INSRR: variants seen among roughly 807,000 people sequenced by gnomAD.
INSRR encodes the protein insulin receptor related receptor, also known as insulin receptor-related protein.
Under a neutral mutation model 130.0 loss-of-function variants are expected in INSRR, and 114 were observed. The ratio of observed to expected loss-of-function variants is 0.88; its 90% confidence interval spans 0.75 to 1.02. The LOEUF (loss-of-function observed/expected upper bound fraction) is 1.02, where lower values mean the gene tolerates loss of function less well. INSRR is among the 50% of genes least tolerant of loss of function. The pLI is 0.00. For missense variants in INSRR, 1,657 were observed against 1,735.2 expected (o/e 0.95, Z 0.80); for synonymous variants, 674 against 705.2 (o/e 0.96, Z 0.70).
rs753317899 is a variant in INSRR, at chr1:156,840,961, C to T, written c.3806G>A (p.Arg1269Gln). ...TGCATCGGTGGTAGGCAGGGAGCCC[C>T]GGGCCCCCCGGCATTCCGGGCTGTA... ...FYYSPECRGARGSLPTTDAEP... is the reference protein window; with the variant it reads ...FYYSPECRGAQGSLPTTDAEP... The change falls in exon 22 of 22, where the codon CGG becomes CAG. Residue 1269 changes from arginine (R) to glutamine (Q), a missense_variant. Transcript: ENST00000368195. 10 of 1,613,716 alleles carry T rather than the reference C, an allele frequency of 6.2e-6. No individual in the cohort carries two copies. Among genetic ancestry groups the T allele is most frequent in the East Asian group, 4.5e-5 (2 of 44,874 alleles).
intron 14 of INSRR, 29 bp from the exon 15 acceptor site, chr1:156,844,309 A>G: frequency 1.3e-6 from 2 of 1,590,440 alleles, no homozygotes; most frequent in Non-Finnish European, 1.7e-6. Flanking sequence ...CAGAGGGTAG[A>G]GTCAAAGATG....
Position 156,858,582 on chromosome 1 carries a change from G to A in INSRR, c.40C>T (p.Pro14Ser), listed in dbSNP as rs1437646491. Residue 14 changes from proline to serine, a missense_variant, in exon 1 of 22, where the codon CCT becomes TCT. By Grantham distance (74) the Pro-to-Ser change is moderately conservative. Transcript: ENST00000368195. The part of the protein sequence containing the change: ...PSLWPWGACL[P>S]VIFLSLGFGL... ...AATCCCAAGGAGAGGAAGATCACAG[G>A]CAGGCATGCTCCCCAGGGCCACAGA... 5.0e-6 allele frequency: 8 copies of A among 1,613,952 alleles called. No individual in the cohort carries two copies. Among genetic ancestry groups the A allele is most frequent in the African/African-American group, 4.0e-5 (3 of 74,906 alleles).
rs1268526618 is a variant in INSRR, at chr1:156,842,440, C to T, written c.3195G>A (p.Gly1065=). Residue 1065 remains glycine (G), a synonymous_variant, in exon 18 of 22, where the codon GGG becomes GGA. Transcript: ENST00000368195. ...AAGATCGAAGATGGCTCTTGAGGTC[C>T]CCACGGGTCATTAACTCCATGATGA... ...TLVIMELMTR[G]DLKSHLRSLR... 1 of 1,614,120 alleles carries T rather than the reference C, an allele frequency of 6.2e-7. No homozygotes were observed. Among genetic ancestry groups the T allele is most frequent in the East Asian group, 2.2e-5 (1 of 44,868 alleles).
chr1:156,842,072 A>T, intron 19 of INSRR, 40 bp downstream of exon 19: 1 of 1,611,886 alleles, frequency 6.2e-7, no homozygotes, highest in Non-Finnish European at 8.5e-7. Flanking sequence ...GAGTCTCTCT[A>T]CTTTTCAGGC....
intron 5 of INSRR, among the ~76,000 whole-genome samples, chr1:156,850,843 C>G (rs796960452): frequency 6.6e-6 from 1 of 152,132 alleles, no homozygotes; most frequent in Non-Finnish European, 1.5e-5. Context: ...AGGTGTGAGC[C>G]ACCGTGCCTG....
chr1:156,849,305 G>A lies in INSRR; in HGVS notation c.1385C>T (p.Thr462Met), dbSNP rs1481817447. ...HIYRLEEVTG[T>M]RGRQNKAEIN... is the part of the protein sequence containing the mutation. ...CTCAGCCTTGTTCTGCCGACCTCGC[G>A]TGCCTGTCACCTCCTCCAGTCGGTA... The change falls in exon 6 of 22, where the codon ACG becomes ATG. Residue 462 changes from threonine to methionine, a missense_variant. Thr to Met is a moderately conservative substitution (Grantham distance 81). Transcript: ENST00000368195. The A allele has an allele frequency of 4.3e-6, 7 of 1,613,866 alleles. No homozygotes were observed. In the Admixed American group the frequency reaches 5.0e-5, roughly 12 times the overall value.
rs1655510920 is a variant in INSRR at position 156,858,999 on chromosome 1, C to G, written c.-378G>C. On this transcript the variant is annotated 5_prime_UTR_variant, in exon 1 of 22. Coordinates refer to ENST00000368195, the MANE Select transcript of INSRR (RefSeq NM_014215.3). ...GCGGAGCAGCAGGCTGGGGACCGCT[C>G]CCAAGGAGGGCAGCGGGGGTCCCGG... is the stretch of plus-strand genomic sequence containing the variant. The G allele has an allele frequency of 4.7e-6, 1 of 210,962 alleles. No homozygotes were observed. Among genetic ancestry groups the G allele is most frequent in the Non-Finnish European group, 9.8e-6 (1 of 102,370 alleles). The allele number at this position is 210,962 out of a possible 1,614,324, so 13.1% of individuals were successfully genotyped here.
At position 156,849,444 on chromosome 1, in the gene INSRR, C is replaced by G; in HGVS notation, c.1246G>C (p.Val416Leu). ...TGTTGTAGGTTCTGGTTGTCCAGCA[C>G]GTAGAGAGTGTAGTTCCTGGGGGAG... ...AMVDGNYTLY[V>L]LDNQNLQQLG... is the part of the protein sequence containing the mutation. The change falls in exon 6 of 22, where the codon GTG (valine) becomes CTG (leucine). Residue 416 changes from valine (V) to leucine (L), a missense_variant. By Grantham distance (32) the Val-to-Leu change is conservative (BLOSUM62 1). Coordinates refer to ENST00000368195, the MANE Select transcript of INSRR (RefSeq NM_014215.3). 1 of 1,430,144 alleles carries G rather than the reference C, an allele frequency of 7.0e-7. No individual in the cohort carries two copies. Among genetic ancestry groups the G allele is most frequent in the Non-Finnish European group, 9.4e-7 (1 of 1,066,356 alleles). 88.6% of individuals were successfully genotyped at this position (1,430,144 alleles called of 1,614,324 possible).
chr1:156,857,791 A>G (rs1352088798), intron 1 of INSRR, among the ~76,000 whole-genome samples: 2 of 152,126 alleles, frequency 1.3e-5, no homozygotes, highest in Non-Finnish European at 2.9e-5. Context: ...TTTGGAGGGG[A>G]ATGGTGGGAC....
At chr1:156,856,105 G>A (rs1314201897) in intron 1 of INSRR, among the ~76,000 whole-genome samples, 2 of 151,732 alleles carry the variant, frequency 1.3e-5, no homozygotes, top group Non-Finnish European at 2.9e-5. Context: ...TATCATGCGT[G>A]GCCATATATT....
intron 2 of INSRR, 151 bp from the exon 3 acceptor site, chr1:156,852,342 C>A: frequency 1.3e-6 from 1 of 769,642 alleles, no homozygotes; most frequent in Non-Finnish European, 2.1e-6. Context: ...CGACTCTGTT[C>A]CCCTCCGATG....
At chr1:156,842,951 A>T (rs1654852115) in intron 17 of INSRR, 53 bp downstream of exon 17, 1 of 1,392,664 alleles carries the variant, frequency 7.2e-7, no homozygotes, top group Non-Finnish European at 1.0e-6. Flanking sequence ...CTTTCTTACC[A>T]CATGACCTTT....
intron 1 of INSRR, among the ~76,000 whole-genome samples, chr1:156,857,947 T>C (rs1192875845): frequency 6.6e-6 from 1 of 152,124 alleles, no homozygotes; most frequent in Non-Finnish European, 1.5e-5. Flanking sequence ...AACGTACTGA[T>C]GGGCAGTATC....
rs747025388 is a variant in INSRR at position 156,841,428 on chromosome 1, C to T, written c.3628G>A (p.Val1210Ile). 2 of 1,613,908 alleles carry T rather than the reference C, an allele frequency of 1.2e-6. No homozygotes were observed. Among genetic ancestry groups the T allele is most frequent in the South Asian group, 2.2e-5 (2 of 91,080 alleles). The change falls in exon 21 of 22, where the codon GTC becomes ATC. Residue 1210 changes from valine to isoleucine, a missense_variant. By Grantham distance (29) the Val-to-Ile change is conservative. Transcript: ENST00000368195. ...QVLKFVMDGG[V>I]LEELEGCPLQ... is the part of the protein sequence containing the mutation. ...GGACAGCCCTCCAGCTCCTCCAGGA[C>T]CCCGCCATCCATGACGAACTTCAGC...
chr1:156,843,043 C>A lies in INSRR; in HGVS notation c.3087G>T (p.Lys1029Asn), dbSNP rs1268477963. The change falls in exon 17 of 22, where the codon AAG (lysine) becomes AAT (asparagine). Residue 1029 changes from lysine (K) to asparagine (N), a missense_variant. Coordinates refer to ENST00000368195, the MANE Select transcript of INSRR (RefSeq NM_014215.3). ...ASPRECIEFLKEASVMKAFKC... is the reference protein window; with the variant it reads ...ASPRECIEFLNEASVMKAFKC... Reference sequence around the variant, plus strand: ...TGAAGGCTTTCATGACAGAAGCTTCCTTGAGGAACTCAATGCATTCCCGTG... The same window carrying A: ...TGAAGGCTTTCATGACAGAAGCTTCATTGAGGAACTCAATGCATTCCCGTG... 6.2e-7 allele frequency: 1 copy of A among 1,614,014 alleles called. No homozygotes were observed. The highest frequency in any genetic ancestry group is 8.5e-7 in the Non-Finnish European group (1 of 1,180,002).
chr1:156,849,046 G>A lies in INSRR; in HGVS notation c.1446C>T (p.Cys482=). ...ACACGAAGCGCAGGGTGCGAGTCTG[G>A]CCTGGGTGGGGCGAGGGGCCTGCTC... ...NPRTNGDRAA[C]QTRTLRFVSN... Residue 482 remains cysteine (C), a splice_region_variant and synonymous_variant, in exon 7 of 22, where the codon TGC becomes TGT. Transcript: ENST00000368195. The A allele has an allele frequency of 6.2e-7, 1 of 1,612,800 alleles. No individual in the cohort carries two copies. The highest frequency in any genetic ancestry group is 8.5e-7 in the Non-Finnish European group (1 of 1,179,692).
rs1654899942 is a variant in INSRR at position 156,844,164 on chromosome 1, C to G, written c.2843+11G>C. 6.2e-7 allele frequency: 1 copy of G among 1,603,418 alleles called. No individual in the cohort carries two copies. The highest frequency in any genetic ancestry group is 8.5e-7 in the Non-Finnish European group (1 of 1,171,128). On this transcript the variant is annotated intron_variant, in intron 15 of 21. Transcript: ENST00000368195. ...GAAAAGGGGGTGGGGACCGGTGGGA[C>G]TTATCATCACCTCTTCTTGCCGTAG...
intron 2 of INSRR, 55 bp from the exon 3 acceptor site, chr1:156,852,246 C>A: frequency 1.3e-6 from 2 of 1,500,638 alleles, no homozygotes; most frequent in South Asian, 1.3e-5. Flanking sequence ...TCCTGGCTGT[C>A]CTTCCAATGC....
chr1:156,857,078 C>A (rs1326031041), intron 1 of INSRR, among the ~76,000 whole-genome samples: 1 of 151,830 alleles, frequency 6.6e-6, no homozygotes, highest in African/African-American at 2.4e-5. Flanking sequence ...GGTGGGCAGG[C>A]AAGGCTGGCT....
Sources: allele counts gnomAD v4.1 joint callset (sites outside exome capture counted in the v4.1 genomes callset), GRCh38; gene constraint gnomAD v4.1.1; transcripts MANE v1.5; gene names NCBI Gene and HGNC (gene_info 2026-07-23, HGNC 2026-07-21).